Variants in WASF3 observed in about 807,000 individuals in gnomAD.
WASF3 encodes actin-binding protein WASF3.
Under a neutral mutation model 46.6 loss-of-function variants are expected in WASF3, and 11 were observed. The observed-to-expected ratio is 0.24, with a 90% CI of 0.15 to 0.39. The LOEUF (loss-of-function observed/expected upper bound fraction) is 0.39. WASF3 is among the 10% of genes least tolerant of loss of function. The probability of loss-of-function intolerance (pLI) is 1.00; values close to 1 mark genes in which losing one functional copy is unlikely to be tolerated. For missense variants in WASF3, 576 were observed against 669.8 expected (o/e 0.86, Z 1.55); for synonymous variants, 242 against 259.7 (o/e 0.93, Z 0.65).
chr13:26,561,633 G>C (rs989337182), intron 1 of WASF3, among the ~76,000 whole-genome samples: 2 of 152,172 alleles, frequency 1.3e-5, no homozygotes, highest in African/African-American at 4.8e-5. Flanking sequence ...ATCAGCTAAG[G>C]TGCTACAGCA....
At chr13:26,543,397 AGCT>A in the WASF3 span, among the ~76,000 whole-genome samples, 1 of 152,210 alleles carries the variant, frequency 6.6e-6, no homozygotes, top group Admixed American at 6.5e-5. Context: ...TCATTCAGAA[AGCT>A]TTTAGCTTTC....
chr13:26,622,453 T>C (rs949320633), intron 2 of WASF3, among the ~76,000 whole-genome samples: 4 of 152,214 alleles, frequency 2.6e-5, no homozygotes, highest in African/African-American at 9.6e-5. Flanking sequence ...AGTTGTGGGC[T>C]TCAGTTTATT....
chr13:26,650,538 G>A (rs1350240020), intron 3 of WASF3, among the ~76,000 whole-genome samples: 1 of 152,218 alleles, frequency 6.6e-6, no homozygotes, highest in Non-Finnish European at 1.5e-5. Context: ...TGATTAATAT[G>A]CTGAGGGATC....
intron 2 of WASF3, 125 bp from the exon 3 acceptor site, chr13:26,642,136 C>G: frequency 3.8e-6 from 4 of 1,052,234 alleles, no homozygotes; most frequent in Non-Finnish European, 5.2e-6. Context: ...TTAGCTGATT[C>G]TGTCACATAG....
rs748645874 is a variant in WASF3 at position 26,565,509 on chromosome 13, A to G, written c.-109+7690A>G. 2.0e-5 allele frequency among the ~76,000 whole-genome samples: 3 copies of G among 152,212 alleles called. 1 individual carries two copies. Among genetic ancestry groups the G allele is most frequent in the Admixed American group, 1.3e-4 (2 of 15,278 alleles). ...TGTAAAAACACATTTAAAAAAAACC[A>G]GCCCTGTAGGATTTAAAACGTATCT... On this transcript the variant is annotated intron_variant, in intron 1 of 9. Coordinates refer to ENST00000335327, the MANE Select transcript of WASF3 (RefSeq NM_006646.6).
chr13:26,600,408 A>G (rs1462667289), intron 1 of WASF3, among the ~76,000 whole-genome samples: 2 of 152,184 alleles, frequency 1.3e-5, no homozygotes, highest in Non-Finnish European at 2.9e-5. Context: ...CCTACTTCAT[A>G]GGATTGCTAT....
At chr13:26,581,727 G>A (rs1337859963) in intron 1 of WASF3, among the ~76,000 whole-genome samples, 1 of 152,040 alleles carries the variant, frequency 6.6e-6, no homozygotes, top group African/African-American at 2.4e-5. Flanking sequence ...AAAAATTAGC[G>A]CCTACTAGAG....
intron 3 of WASF3, among the ~76,000 whole-genome samples, chr13:26,656,803 TC>T (rs1253881628): frequency 1.3e-5 from 2 of 152,114 alleles, no homozygotes; most frequent in Non-Finnish European, 2.9e-5. Context: ...CCATATATAA[TC>T]TATAGTTCCT....
intron 5 of WASF3, among the ~76,000 whole-genome samples, chr13:26,669,421 G>T (rs1227370542): frequency 6.6e-6 from 1 of 151,436 alleles, no homozygotes; most frequent in African/African-American, 2.4e-5. Flanking sequence ...AATATTTGGG[G>T]TATATAACAT....
At chr13:26,578,626 A>G (rs1211112009) in intron 1 of WASF3, among the ~76,000 whole-genome samples, 2 of 152,196 alleles carry the variant, frequency 1.3e-5, no homozygotes, top group Non-Finnish European at 2.9e-5. Flanking sequence ...AATGTCCCTT[A>G]AAGGTGTAGT....
chr13:26,555,295 T>A (rs1192455466), upstream of WASF3, among the ~76,000 whole-genome samples: 1 of 152,170 alleles, frequency 6.6e-6, no homozygotes, highest in African/African-American at 2.4e-5. Context: ...AAAGTGGGTC[T>A]TATGAATAAA....
At chr13:26,685,429 A>G (rs1883372541) in intron 9 of WASF3, among the ~76,000 whole-genome samples, 1 of 152,194 alleles carries the variant, frequency 6.6e-6, no homozygotes, top group Non-Finnish European at 1.5e-5. Context: ...GTTTTCTCTA[A>G]TGGTGTTCAG....
intron 1 of WASF3, among the ~76,000 whole-genome samples, chr13:26,576,502 G>A (rs509231): frequency 0.84 from 128,472 of 152,088 alleles, 54,296 homozygotes; most frequent in East Asian, 0.9. Context: ...GAAGTGGTAC[G>A]TGGGCTTTGA....
Position 26,687,718 on chromosome 13 carries a change from TC to T in WASF3, c.*1874del, listed in dbSNP as rs1883451749. 11 of 53,460 alleles carry T rather than the reference TC, an allele frequency of 2.1e-4. No individual in the cohort carries two copies. In the South Asian group the frequency reaches 2.9e-3, roughly 14 times the overall value. The allele number at this position is 53,460 out of a possible 1,614,324, so 3.3% of individuals were successfully genotyped here. A position where few individuals can be genotyped will look rare whatever the true frequency, so the allele number is the denominator to read the frequency against. On this transcript the variant is annotated 3_prime_UTR_variant, in exon 10 of 10. Transcript: ENST00000335327. ...CTTCTAAATTTCTAATTTCTCTCTC[TC>T]TCTCTTTTTTTTTTTTTTGTTGTTG...
At chr13:26,561,477 TTAAG>T (rs1276882580) in intron 1 of WASF3, among the ~76,000 whole-genome samples, 1 of 151,980 alleles carries the variant, frequency 6.6e-6, no homozygotes, top group African/African-American at 2.4e-5. Flanking sequence ...CTTGGCTGGG[TTAAG>T]TTTCAGGTGC....
intron 1 of WASF3, among the ~76,000 whole-genome samples, chr13:26,609,179 T>C (rs1880895616): frequency 6.6e-6 from 1 of 152,212 alleles, no homozygotes; most frequent in Admixed American, 6.5e-5. Context: ...TGTAGCAGAA[T>C]TCTTTATTTC....
intron 1 of WASF3, chr13:26,576,924 CA>C: frequency 9.0e-6 from 7 of 775,086 alleles, no homozygotes; most frequent in Admixed American, 2.0e-5. Flanking sequence ...CGAAAGGAGG[CA>C]AAAAGGGAGC....
intron 2 of WASF3, among the ~76,000 whole-genome samples, chr13:26,620,157 T>A (rs1399273209): frequency 6.6e-6 from 1 of 152,006 alleles, no homozygotes; most frequent in Non-Finnish European, 1.5e-5. Context: ...TATCTTAAAA[T>A]TTTTTTTATT....
chr13:26,569,737 A>G (rs1020478539), intron 1 of WASF3, among the ~76,000 whole-genome samples: 2 of 152,218 alleles, frequency 1.3e-5, no homozygotes, highest in African/African-American at 4.8e-5. Context: ...GAAAATAAAT[A>G]TACAGTAGAG....
Sources: allele counts gnomAD v4.1 joint callset (sites outside exome capture counted in the v4.1 genomes callset), GRCh38; gene constraint gnomAD v4.1.1; transcripts MANE v1.5; gene names NCBI Gene and HGNC (gene_info 2026-07-23, HGNC 2026-07-21).